The following ARID1A variants were observed in gnomAD, a reference collection of about 807,000 sequenced individuals.
ARID1A encodes AT-rich interaction domain 1A.
Under a neutral mutation model 212.6 loss-of-function variants are expected in ARID1A, and 20 were observed. The ratio of observed to expected loss-of-function variants is 0.09; its 90% CI spans 0.07 to 0.14. The LOEUF (loss-of-function observed/expected upper bound fraction) is 0.14. Among genes scored for constraint, ARID1A ranks in the 10% least tolerant of loss-of-function variants. The pLI is 1.00. For missense variants in ARID1A, 2,587 were observed against 3,059.0 expected, an observed-to-expected ratio of 0.85 and a Z score of 3.64; for synonymous variants, 1,376 against 1,222.1, an observed-to-expected ratio of 1.13 and a Z score of -2.63.
In ARID1A at chr1:26,729,760, G is replaced by A. The variant is rs2080655029; in HGVS notation, c.1247G>A (p.Gly416Glu). ...GPPSGPQQGH[G>E]YPGQPYGSQT... is the part of the protein sequence containing the mutation. ...CCGTCAGGACCGCAGCAAGGACATG[G>A]GTACCCAGGGCAGCCATACGGGTCC... The change falls in exon 2 of 20, where the codon GGG (glycine) becomes GAG (glutamate). Residue 416 changes from glycine (G) to glutamate (E), a missense_variant. Around this residue, in one of 11 missense-constraint regions of ARID1A, gnomAD observed 674 missense variants for 813.4 expected, o/e 0.83. Transcript: ENST00000324856. 6.2e-7 allele frequency: 1 copy of A among 1,614,236 alleles called. No individual in the cohort carries two copies. Among genetic ancestry groups the A allele is most frequent in the South Asian group, 1.1e-5 (1 of 91,092 alleles).
At chr1:26,723,513 C>T (rs1220438929) in intron 1 of ARID1A, among the ~76,000 whole-genome samples, 6 of 152,140 alleles carry the variant, frequency 3.9e-5, no homozygotes, top group African/African-American at 1.4e-4. Context: ...GGGTCCTTAC[C>T]CATCTGTTCT....
intron 4 of ARID1A, among the ~76,000 whole-genome samples, chr1:26,745,119 T>C (rs1228403245): frequency 6.6e-6 from 1 of 152,202 alleles, no homozygotes; most frequent in Admixed American, 6.5e-5. Context: ...AATTTGGGCT[T>C]ACAACTGGAA....
At position 26,771,267 on chromosome 1, in the gene ARID1A, A is replaced by G. The variant is rs1163197855; in HGVS notation, c.3347A>G (p.Asp1116Gly). The change falls in exon 12 of 20, where the codon GAC becomes GGC. Residue 1116 changes from aspartate to glycine, a missense_variant. Physicochemically the swap from Asp to Gly is moderately conservative, Grantham distance 94 (BLOSUM62 -1). Coordinates refer to ENST00000324856, the MANE Select transcript of ARID1A (RefSeq NM_006015.6). The surrounding 1 kb of genome is among the most constrained non-coding windows in gnomAD (Gnocchi z 5.4). ...KIERGEDPPP[D>G]IFAAADSKKS... ...GAACGGGGAGAAGACCCTCCCCCAGACATCTTTGCAGCTGCTGATTCCAAG... is the reference window on the plus strand; with the variant it reads ...GAACGGGGAGAAGACCCTCCCCCAGGCATCTTTGCAGCTGCTGATTCCAAG... The G allele has an allele frequency of 1.2e-6, 2 of 1,614,174 alleles. No individual in the cohort carries two copies.
At position 26,775,107 on chromosome 1, in the gene ARID1A, C is replaced by T. The variant is rs1358984536; in HGVS notation, c.4880C>T (p.Pro1627Leu). 1 of 1,614,136 alleles carries T rather than the reference C, an allele frequency of 6.2e-7. No individual in the cohort carries two copies. ...CCAGTACCTGCCTCGCACATAGCAC[C>T]TGCCCCTGTGCAGCCCCCCATGATT... is the stretch of plus-strand genomic sequence containing the variant. Reference protein sequence around the residue: ...GPPVPASHIAPAPVQPPMIRR... With the variant: ...GPPVPASHIALAPVQPPMIRR... Residue 1627 changes from proline (P) to leucine (L), a missense_variant, in exon 18 of 20, where the codon CCT (proline) becomes CTT (leucine). This residue lies in a region of ARID1A where 890 missense variants were observed against 1,098.2 expected (regional missense o/e 0.81). Transcript: ENST00000324856.
intron 1 of ARID1A, among the ~76,000 whole-genome samples, chr1:26,723,620 C>T (rs1422514110): frequency 1.3e-5 from 2 of 152,076 alleles, no homozygotes; most frequent in Non-Finnish European, 2.9e-5. Flanking sequence ...CTGGCAGGGG[C>T]GGTGTGGCTT....
At chr1:26,737,388 G>A (rs2124798343) in intron 4 of ARID1A, among the ~76,000 whole-genome samples, 1 of 152,218 alleles carries the variant, frequency 6.6e-6, no homozygotes, top group South Asian at 2.1e-4. Flanking sequence ...AAAGTGGTGG[G>A]ATTATAGGCA....
chr1:26,711,992 G>A (rs2080459033), intron 1 of ARID1A, among the ~76,000 whole-genome samples: 1 of 152,068 alleles, frequency 6.6e-6, no homozygotes, highest in Non-Finnish European at 1.5e-5. Flanking sequence ...GAGATGGGAG[G>A]ATCACTTGAG....
At chr1:26,716,576 G>A (rs970558955) in intron 1 of ARID1A, among the ~76,000 whole-genome samples, 41 of 152,050 alleles carry the variant, frequency 2.7e-4, no homozygotes, top group Non-Finnish European at 3.7e-4. Context: ...GTTATCCATT[G>A]AGGCATGCTG....
At chr1:26,733,102 T>C (rs1001602814) in intron 4 of ARID1A, among the ~76,000 whole-genome samples, 3 of 152,214 alleles carry the variant, frequency 2.0e-5, no homozygotes, top group South Asian at 4.1e-4. Flanking sequence ...GAGAAAAATA[T>C]CAGTTTCTTG....
At position 26,774,673 on chromosome 1, in the gene ARID1A, C is replaced by T. The variant is rs752354591; in HGVS notation, c.4446C>T (p.Gly1482=). Residue 1482 remains glycine (G), a synonymous_variant, in exon 18 of 20, where the codon GGC becomes GGT. Coordinates refer to ENST00000324856, the MANE Select transcript of ARID1A (RefSeq NM_006015.6). The surrounding 1 kb of genome is among the most constrained non-coding windows in gnomAD (Gnocchi z 5.6). The part of the protein sequence containing the change: ...AQQNMPPQMM[G]GPIQASAEVA... ...AAAACATGCCACCACAAATGATGGG[C>T]GGCCCCATACAGGCATCAGCTGAGG... 2.8e-5 allele frequency: 46 copies of T among 1,614,116 alleles called. No individual in the cohort carries two copies. The South Asian group carries it at 3.7e-4, about 13-fold the overall frequency.
rs757303650 is a variant in ARID1A at position 26,766,324 on chromosome 1, C to A, written c.2836C>A (p.Pro946Thr). 3.7e-6 allele frequency: 6 copies of A among 1,614,184 alleles called. No individual in the cohort carries two copies. In the Admixed American group the frequency reaches 8.3e-5, roughly 22 times the overall value. The change falls in exon 9 of 20, where the codon CCC becomes ACC. Residue 946 changes from proline to threonine, a missense_variant. Transcript: ENST00000324856. ...SMAGMINPQG[P>T]PYSMGGTMAN... ...GGCTGGCATGATCAACCCTCAGGGA[C>A]CCCCATATTCCATGGGTGGAACCAT...
intron 1 of ARID1A, among the ~76,000 whole-genome samples, chr1:26,714,890 G>T (rs554129933): frequency 1.3e-5 from 2 of 152,218 alleles, no homozygotes; most frequent in African/African-American, 2.4e-5. Context: ...GCTGCTTCTT[G>T]GTGTTTTTAT....
chr1:26,780,781 C>CGTGT lies in ARID1A; in HGVS notation c.*33_*36dup. The stretch of plus-strand genomic sequence containing the variant: ...ACAGCCGTGGGACACCTCCCCCCCC[C>CGTGT]GTGTGTGTGTGCGTGTGTGGAGAAC... On this transcript the variant is annotated 3_prime_UTR_variant, in exon 20 of 20. Coordinates refer to ENST00000324856, the MANE Select transcript of ARID1A (RefSeq NM_006015.6). This position sits in a 1 kb window ranked among gnomAD's most constrained non-coding sequence, Gnocchi z 7.2. 2 of 1,539,962 alleles carry CGTGT rather than the reference C, an allele frequency of 1.3e-6. No homozygotes were observed. The highest frequency in any genetic ancestry group is 1.7e-6 in the Non-Finnish European group (2 of 1,144,498).
intron 8 of ARID1A, 152 bp from the exon 9 acceptor site, chr1:26,766,069 T>C: frequency 1.2e-6 from 1 of 829,942 alleles, no homozygotes; most frequent in Non-Finnish European, 1.8e-6. Context: ...AAAAATAATA[T>C]CTGGATGTTG....
At chr1:26,768,140 G>A (rs898434879) in intron 11 of ARID1A, 141 bp downstream of exon 11, 17 of 932,214 alleles carry the variant, frequency 1.8e-5, no homozygotes, top group Non-Finnish European at 2.5e-5. Flanking sequence ...TTGATAGACC[G>A]GGGAGCACAG....
rs566545995 is a variant in ARID1A, at chr1:26,781,675, C to G, written c.*919C>G. 4.3e-5 allele frequency: 10 copies of G among 233,736 alleles called. No individual in the cohort carries two copies. Among genetic ancestry groups the G allele is most frequent in the African/African-American group, 1.3e-4 (6 of 45,470 alleles). The allele number at this position is 233,736 out of a possible 1,614,324, so 14.5% of individuals were successfully genotyped here. On this transcript the variant is annotated 3_prime_UTR_variant, in exon 20 of 20. Transcript: ENST00000324856. ...CCCCACAGTTTGGTCCTCCTCCCAG[C>G]TACCCCTTTATAGTATGACGAGTTA...
At chr1:26,725,353 G>T (rs542522673) in intron 1 of ARID1A, among the ~76,000 whole-genome samples, 20 of 152,288 alleles carry the variant, frequency 1.3e-4, no homozygotes, top group Middle Eastern at 6.8e-3. Context: ...GAGAGATTGG[G>T]AGATGGCATT....
chr1:26,752,718 G>A (rs1339972344), intron 4 of ARID1A, among the ~76,000 whole-genome samples: 2 of 152,184 alleles, frequency 1.3e-5, no homozygotes, highest in African/African-American at 4.8e-5. Flanking sequence ...CTAGGGGCGG[G>A]GCGGGGATAA....
rs762747135 is a variant in ARID1A at position 26,760,845 on chromosome 1, A to G, written c.1921-11A>G. ...ATATTACTAATCCATGTTCTTATATATATGTTCTAGGATCTATCTGGTTCA... is the reference window on the plus strand; with the variant it reads ...ATATTACTAATCCATGTTCTTATATGTATGTTCTAGGATCTATCTGGTTCA... On this transcript the variant is annotated splice_polypyrimidine_tract_variant and intron_variant, in intron 4 of 19. Coordinates refer to ENST00000324856, the MANE Select transcript of ARID1A (RefSeq NM_006015.6). 19 of 1,604,224 alleles carry G rather than the reference A, an allele frequency of 1.2e-5. No homozygotes were observed. Among genetic ancestry groups the G allele is most frequent in the Middle Eastern group, 3.3e-4 (2 of 6,068 alleles).
Sources: allele counts gnomAD v4.1 joint callset (sites outside exome capture counted in the v4.1 genomes callset), GRCh38; gene constraint gnomAD v4.1.1; regional missense constraint gnomAD v4.1.1; non-coding constraint Gnocchi (gnomAD v3.1); transcripts MANE v1.5; gene names NCBI Gene and HGNC (gene_info 2026-07-23, HGNC 2026-07-21).